The following MAP3K14 variants were observed in gnomAD, a reference collection of about 807,000 sequenced individuals.
The protein encoded by MAP3K14 is NF-kappa-beta-inducing kinase.
A neutral mutation model predicts 99.2 loss-of-function variants in MAP3K14; 16 were observed. The ratio of observed to expected loss-of-function variants is 0.16; its 90% CI spans 0.11 to 0.24. The LOEUF is 0.24. MAP3K14 is among the 10% of genes least tolerant of loss of function. The pLI is 1.00. For missense variants in MAP3K14, 784 were observed against 1,208.7 expected, an observed-to-expected ratio of 0.65 and a Z score of 5.21; for synonymous variants, 462 against 492.4, an observed-to-expected ratio of 0.94 and a Z score of 0.82.
chr17:45,290,478 C>G lies in MAP3K14; in HGVS notation c.256+12G>C. The G allele has an allele frequency of 6.2e-7, 1 of 1,613,826 alleles. No homozygotes were observed. The highest frequency in any genetic ancestry group is 1.1e-5 in the South Asian group (1 of 91,068). ...CACCTGCCCCGTGCCCACAACAACC[C>G]TAGGCCCCTACACTCAGCCTGGGCG... On this transcript the variant is annotated intron_variant, in intron 2 of 15. Coordinates refer to ENST00000344686, the MANE Select transcript of MAP3K14 (RefSeq NM_003954.5).
intron 15 of MAP3K14, 39 bp from the exon 16 acceptor site, chr17:45,264,839 T>C (rs1341369314): frequency 1.9e-6 from 3 of 1,601,524 alleles, no homozygotes; most frequent in Non-Finnish European, 2.6e-6. Context: ...GATCATGGCA[T>C]AGGGCTCAAG....
At chr17:45,275,005 G>T (rs183736494) in intron 6 of MAP3K14, among the ~76,000 whole-genome samples, 1 of 151,948 alleles carries the variant, frequency 6.6e-6, no homozygotes, top group Non-Finnish European at 1.5e-5. Flanking sequence ...TGGGCGTGGC[G>T]GCGGGTGCCT....
At chr17:45,265,447 T>G (rs930176382) in intron 14 of MAP3K14, among the ~76,000 whole-genome samples, 184 bp from the exon 15 acceptor site, 1 of 152,178 alleles carries the variant, frequency 6.6e-6, no homozygotes, top group South Asian at 2.1e-4. Context: ...GCTGCATTTT[T>G]TTGTTTTTGA....
At chr17:45,278,851 A>G (rs2051881218) in intron 6 of MAP3K14, among the ~76,000 whole-genome samples, 1 of 151,916 alleles carries the variant, frequency 6.6e-6, no homozygotes, top group Admixed American at 6.6e-5. Context: ...TTTTGTAGAG[A>G]TGGGGTTTCG....
intron 1 of MAP3K14, among the ~76,000 whole-genome samples, chr17:45,311,226 T>C (rs984468861): frequency 6.6e-6 from 1 of 152,230 alleles, no homozygotes; most frequent in African/African-American, 2.4e-5. Flanking sequence ...TAACAGCTCT[T>C]TCTGGACAGT....
chr17:45,263,983 C>T lies in MAP3K14; in HGVS notation c.*653G>A, dbSNP rs1440108673. 1.3e-5 allele frequency: 2 copies of T among 152,294 alleles called. No homozygotes were observed. Among genetic ancestry groups the T allele is most frequent in the African/African-American group, 4.8e-5 (2 of 41,452 alleles). The allele number at this position is 152,294 out of a possible 1,614,324, so 9.4% of individuals were successfully genotyped here. A position where few individuals can be genotyped will look rare whatever the true frequency, so the allele number is the denominator to read the frequency against. On this transcript the variant is annotated 3_prime_UTR_variant, in exon 16 of 16. Coordinates refer to ENST00000344686, the MANE Select transcript of MAP3K14 (RefSeq NM_003954.5). ...CTTCACTTACACACCTTCTTTGGTCCTTGGCTGAACCAGAGGTCAACTCAG... is the reference window on the plus strand; with the variant it reads ...CTTCACTTACACACCTTCTTTGGTCTTTGGCTGAACCAGAGGTCAACTCAG...
At chr17:45,266,417 A>C in intron 14 of MAP3K14, 120 bp downstream of exon 14, 1 of 1,316,464 alleles carries the variant, frequency 7.6e-7, no homozygotes, top group Non-Finnish European at 1.0e-6. Context: ...TTCTGGGACC[A>C]GGCGCCTTCC....
intron 10 of MAP3K14, 110 bp from the exon 11 acceptor site, chr17:45,270,673 G>A (rs868639203): frequency 7.2e-7 from 1 of 1,382,294 alleles, no homozygotes. Flanking sequence ...CTGTGCTGGG[G>A]TCTACCACAA....
intron 9 of MAP3K14, among the ~76,000 whole-genome samples, chr17:45,271,661 A>C (rs960239484): frequency 2.1e-4 from 32 of 152,206 alleles, no homozygotes; most frequent in Non-Finnish European, 7.3e-5. Flanking sequence ...AAAATACTTT[A>C]AATATAGAAA....
intron 1 of MAP3K14, among the ~76,000 whole-genome samples, chr17:45,313,777 C>A (rs1345085202): frequency 6.6e-6 from 1 of 152,098 alleles, no homozygotes; most frequent in South Asian, 2.1e-4. Flanking sequence ...ACCCTGGTTT[C>A]GTTATGTTCA....
chr17:45,268,830 A>G (rs534602359), intron 11 of MAP3K14, among the ~76,000 whole-genome samples: 12 of 152,176 alleles, frequency 7.9e-5, no homozygotes, highest in Admixed American at 2.6e-4. Flanking sequence ...TTCGTTTGTC[A>G]GTGCACCCAG....
Position 45,276,819 on chromosome 17 carries a change from ACTT to A in MAP3K14, c.1291-2229_1291-2227del, listed in dbSNP as rs1293112894. On this transcript the variant is annotated intron_variant, in intron 6 of 15. Coordinates refer to ENST00000344686, the MANE Select transcript of MAP3K14 (RefSeq NM_003954.5). ...TGAGCCACTGTGCCCGGCCTCTTAG[ACTT>A]CTTTTTTTTTTTTTTTTTTTTTTTG... is the stretch of plus-strand genomic sequence containing the variant. Among the ~76,000 whole-genome samples, 62 of 85,366 alleles carry A rather than the reference ACTT, an allele frequency of 7.3e-4. 1 individual carries two copies. The highest frequency in any genetic ancestry group is 4.4e-3 in the Admixed American group (32 of 7,242). 56.0% of individuals were successfully genotyped at this position (85,366 alleles called of 152,430 possible). A position where few individuals can be genotyped will look rare whatever the true frequency, so the allele number is the denominator to read the frequency against.
chr17:45,287,111 G>A lies in MAP3K14; in HGVS notation c.537+43C>T, dbSNP rs34173711. On this transcript the variant is annotated intron_variant, in intron 4 of 15. Coordinates refer to ENST00000344686, the MANE Select transcript of MAP3K14 (RefSeq NM_003954.5). ...CCCAGGGACAGGCTCCAATTTCAAGGCCCCATGAACCTGGGGTCTGGGCAG... is the reference window on the plus strand; with the variant it reads ...CCCAGGGACAGGCTCCAATTTCAAGACCCCATGAACCTGGGGTCTGGGCAG... The A allele has an allele frequency of 4.4e-3, 7,024 of 1,602,512 alleles. 245 individuals are homozygous for A. The African/African-American group carries it at 0.078, about 18-fold the overall frequency.
chr17:45,267,378 G>T lies in MAP3K14; in HGVS notation c.2326+28C>A. On this transcript the variant is annotated intron_variant, in intron 12 of 15. Transcript: ENST00000344686. This position sits in a 1 kb window ranked among gnomAD's most constrained non-coding sequence, Gnocchi z 5.1. ...GGGTGGCCCAGGGCCAGTGCTCAGG[G>T]CCCCACTGCAGCCACGGCTGCCCGT... 1 of 1,554,880 alleles carries T rather than the reference G, an allele frequency of 6.4e-7. No homozygotes were observed. Among genetic ancestry groups the T allele is most frequent in the East Asian group, 2.4e-5 (1 of 41,888 alleles).
chr17:45,311,437 G>A (rs1360270038), intron 1 of MAP3K14, among the ~76,000 whole-genome samples: 13 of 152,124 alleles, frequency 8.5e-5, no homozygotes, highest in South Asian at 2.1e-4. Flanking sequence ...GACCATAATC[G>A]GTCAAGTTCA....
chr17:45,267,771 A>G lies in MAP3K14; in HGVS notation c.1973-12T>C. Reference sequence around the variant, plus strand: ...CTTCAGACCTCCCACTAGAAAACAGAGAGTACAATGGTGAGGGGAAGCGTG... The same window carrying G: ...CTTCAGACCTCCCACTAGAAAACAGGGAGTACAATGGTGAGGGGAAGCGTG... On this transcript the variant is annotated splice_polypyrimidine_tract_variant and intron_variant, in intron 11 of 15. Transcript: ENST00000344686. The surrounding 1 kb of genome is among the most constrained non-coding windows in gnomAD (Gnocchi z 5.1). 2 of 1,600,326 alleles carry G rather than the reference A, an allele frequency of 1.2e-6. No homozygotes were observed. The highest frequency in any genetic ancestry group is 2.2e-5 in the East Asian group (1 of 44,840).
chr17:45,270,531 G>C lies in MAP3K14; in HGVS notation c.1854C>G (p.Ile618Met), dbSNP rs1223333575. The C allele has an allele frequency of 6.3e-7, 1 of 1,577,166 alleles. No homozygotes were observed. The highest frequency in any genetic ancestry group is 1.9e-5 in the Admixed American group (1 of 52,582). Residue 618 changes from isoleucine (I) to methionine (M), a missense_variant, in exon 11 of 16, where the codon ATC becomes ATG. Physicochemically the swap from Ile to Met is conservative, Grantham distance 10. Around this residue, in one of 5 missense-constraint regions of MAP3K14, gnomAD observed 200 missense variants for 367.9 expected, o/e 0.54. Coordinates refer to ENST00000344686, the MANE Select transcript of MAP3K14 (RefSeq NM_003954.5). ...IASEPPPVRE[I>M]PPSCAPLTAQ... ...CTGTGAGAGGGGCGCAGGAGGGTGG[G>C]ATCTCCCTCACAGGCGGAGGCTCGC...
chr17:45,273,318 A>C (rs982203432), intron 9 of MAP3K14, among the ~76,000 whole-genome samples, 185 bp downstream of exon 9: 13 of 152,168 alleles, frequency 8.5e-5, no homozygotes, highest in African/African-American at 3.1e-4. Flanking sequence ...GACAATGAGC[A>C]CCTGACATCT....
rs565765336 is a variant in MAP3K14, at chr17:45,275,225, G to C, written c.1291-632C>G. Reference sequence around the variant, plus strand: ...TGGCTGTAATCTCAGCACTTTGGGAGGCTGAGGCGGGTGGATCAAGGAGAT... The same window carrying C: ...TGGCTGTAATCTCAGCACTTTGGGACGCTGAGGCGGGTGGATCAAGGAGAT... On this transcript the variant is annotated intron_variant, in intron 6 of 15. Coordinates refer to ENST00000344686, the MANE Select transcript of MAP3K14 (RefSeq NM_003954.5). 5.3e-5 allele frequency among the ~76,000 whole-genome samples: 8 copies of C among 152,202 alleles called. No individual in the cohort carries two copies. The South Asian group carries it at 8.3e-4, about 16-fold the overall frequency.
Sources: allele counts gnomAD v4.1 joint callset (sites outside exome capture counted in the v4.1 genomes callset), GRCh38; gene constraint gnomAD v4.1.1; regional missense constraint gnomAD v4.1.1; non-coding constraint Gnocchi (gnomAD v3.1); transcripts MANE v1.5; gene names NCBI Gene and HGNC (gene_info 2026-07-23, HGNC 2026-07-21).